EPHA6: variants seen among roughly 807,000 people sequenced by gnomAD.
EPHA6 encodes the protein ephrin type-A receptor 6.
Under a neutral mutation model 112.0 loss-of-function variants are expected in EPHA6, and 50 were observed. The ratio of observed to expected loss-of-function variants is 0.45; its 90% confidence interval spans 0.36 to 0.56. EPHA6 has a LOEUF of 0.56. Among genes scored for constraint, EPHA6 ranks in the 20% least tolerant of loss-of-function variants. EPHA6 has a pLI of 0.00. For synonymous variants in EPHA6, 529 were observed against 490.7 expected (o/e 1.08, Z -1.03); for missense variants, 1,280 against 1,417.4 (o/e 0.90, Z 1.56).
intron 2 of EPHA6, among the ~76,000 whole-genome samples, chr3:96,983,401 A>C (rs1371143622): frequency 6.6e-6 from 1 of 152,164 alleles, no homozygotes; most frequent in Non-Finnish European, 1.5e-5. Context: ...TCTGGCTTGT[A>C]GAGTTTCTGC....
intron 14 of EPHA6, among the ~76,000 whole-genome samples, chr3:97,669,139 G>C (rs1182108887): frequency 6.6e-6 from 1 of 151,788 alleles, no homozygotes; most frequent in Non-Finnish European, 1.5e-5. Flanking sequence ...CTAACTGTAG[G>C]CTCTGAAGTA....
chr3:97,057,773 T>C (rs988278119), intron 3 of EPHA6, among the ~76,000 whole-genome samples: 2 of 152,206 alleles, frequency 1.3e-5, no homozygotes, highest in Non-Finnish European at 2.9e-5. Flanking sequence ...CTCCTTCTAC[T>C]TCTGCATGAA....
chr3:97,337,117 A>G (rs1424370431), intron 5 of EPHA6, among the ~76,000 whole-genome samples: 1 of 152,182 alleles, frequency 6.6e-6, no homozygotes, highest in Non-Finnish European at 1.5e-5. Flanking sequence ...AGAGAGAACC[A>G]TATCATGTAT....
rs1170920402 is a variant in EPHA6, at chr3:97,585,810, GAAAATAA to G, written c.2387-6801_2387-6795del. Among the ~76,000 whole-genome samples the G allele has an allele frequency of 2.9e-3, 444 of 151,912 alleles. 4 individuals carry two copies. Among genetic ancestry groups the G allele is most frequent in the African/African-American group, 0.01 (428 of 41,282 alleles). On this transcript the variant is annotated intron_variant, in intron 11 of 17. Transcript: ENST00000389672. ...ATTAGTTTAGTCAGACTCAGTCCCT[GAAAATAA>G]TATTGTCATATCAAAAATTATTTGA...
chr3:97,127,284 T>A (rs1218220560), intron 3 of EPHA6, among the ~76,000 whole-genome samples: 2 of 152,264 alleles, frequency 1.3e-5, no homozygotes, highest in East Asian at 1.9e-4. Context: ...TATTTCTGTG[T>A]CTTCACTGAT....
At chr3:97,470,883 T>G (rs2091210113) in intron 7 of EPHA6, among the ~76,000 whole-genome samples, 1 of 151,772 alleles carries the variant, frequency 6.6e-6, no homozygotes, top group African/African-American at 2.4e-5. Flanking sequence ...AAGGATCATT[T>G]CCAATCAGTG....
intron 3 of EPHA6, among the ~76,000 whole-genome samples, chr3:97,076,597 C>G (rs1452493460): frequency 2.0e-5 from 3 of 152,154 alleles, no homozygotes; most frequent in Non-Finnish European, 2.9e-5. Context: ...ATGAAGGTAG[C>G]TACACTAACA....
Position 97,610,788 on chromosome 3 carries a change from T to C in EPHA6, c.2513-5T>C, listed in dbSNP as rs1383295194. The C allele has an allele frequency of 1.2e-6, 2 of 1,611,030 alleles. No homozygotes were observed. Among genetic ancestry groups the C allele is most frequent in the Admixed American group, 1.7e-5 (1 of 59,756 alleles). On this transcript the variant is annotated splice_region_variant and splice_polypyrimidine_tract_variant and intron_variant, in intron 12 of 17. Transcript: ENST00000389672. ...ATCCATGTGTATTCTCTTGCTCTTT[T>C]GCAGGCAGACCAGTAATGATTGTGG...
At chr3:96,936,819 C>G (rs2040611828) in intron 2 of EPHA6, among the ~76,000 whole-genome samples, 2 of 152,082 alleles carry the variant, frequency 1.3e-5, no homozygotes, top group African/African-American at 2.4e-5. Context: ...TCCATGTGTT[C>G]TCACTGTTCA....
chr3:97,306,280 A>C (rs903981809), intron 5 of EPHA6, among the ~76,000 whole-genome samples: 1 of 148,192 alleles, frequency 6.7e-6, no homozygotes, highest in Non-Finnish European at 1.5e-5. Flanking sequence ...GTAATCAACT[A>C]TGTCAGGGCC....
chr3:96,838,197 C>T (rs912839515), intron 1 of EPHA6, among the ~76,000 whole-genome samples: 2 of 151,860 alleles, frequency 1.3e-5, no homozygotes, highest in East Asian at 1.9e-4. Context: ...ATGGTTTCCT[C>T]CTCCATCCAT....
chr3:97,373,991 G>A (rs2085210552), intron 5 of EPHA6, among the ~76,000 whole-genome samples: 1 of 152,060 alleles, frequency 6.6e-6, no homozygotes, highest in Non-Finnish European at 1.5e-5. Context: ...CTCACTAGAA[G>A]CAAAACTTTT....
Position 97,754,073 on chromosome 3 carries a change from A to G in EPHA6, c.*5372A>G, listed in dbSNP as rs1436473977. Among the ~76,000 whole-genome samples the G allele has an allele frequency of 2.0e-5, 3 of 150,662 alleles. No individual in the cohort carries two copies. Among genetic ancestry groups the G allele is most frequent in the African/African-American group, 7.3e-5 (3 of 41,300 alleles). Reference sequence around the variant, plus strand: ...AGTTTGTATAAAATGTATAAAAAATAACATTTATATCTTTTTTTTTTTTTT... The same window carrying G: ...AGTTTGTATAAAATGTATAAAAAATGACATTTATATCTTTTTTTTTTTTTT... On this transcript the variant is annotated 3_prime_UTR_variant, in exon 18 of 18. Coordinates refer to ENST00000389672, the MANE Select transcript of EPHA6 (RefSeq NM_001080448.3).
In EPHA6 at chr3:97,663,797, G is replaced by A. The variant is rs955599961; in HGVS notation, c.2784+25715G>A. ...GTGAATAGTGTCACAATAAATATACGTGTGTATGTGTCTTTATAGCAGCAT... is the reference window on the plus strand; with the variant it reads ...GTGAATAGTGTCACAATAAATATACATGTGTATGTGTCTTTATAGCAGCAT... On this transcript the variant is annotated intron_variant, in intron 14 of 17. Transcript: ENST00000389672. Among the ~76,000 whole-genome samples, 20 of 152,172 alleles carry A rather than the reference G, an allele frequency of 1.3e-4. No individual in the cohort carries two copies. The East Asian group carries it at 1.5e-3, about 12-fold the overall frequency.
chr3:97,642,635 T>A (rs1161793423), intron 14 of EPHA6, among the ~76,000 whole-genome samples: 1 of 151,958 alleles, frequency 6.6e-6, no homozygotes, highest in Non-Finnish European at 1.5e-5. Flanking sequence ...GAGAACTACG[T>A]GAAGAATGCA....
intron 13 of EPHA6, among the ~76,000 whole-genome samples, chr3:97,616,343 T>G (rs1236539333): frequency 6.6e-6 from 1 of 152,124 alleles, no homozygotes; most frequent in African/African-American, 2.4e-5. Context: ...GCAAGAACAC[T>G]GAAAACTCAA....
At chr3:96,934,254 G>A (rs1409472638) in intron 2 of EPHA6, among the ~76,000 whole-genome samples, 1 of 151,792 alleles carries the variant, frequency 6.6e-6, no homozygotes, top group Non-Finnish European at 1.5e-5. Flanking sequence ...CTGGGAGGTA[G>A]TAACAATTTC....
At chr3:96,994,351 A>T (rs1252047843) in intron 3 of EPHA6, 2 of 228,540 alleles carry the variant, frequency 8.8e-6, no homozygotes, top group African/African-American at 4.5e-5. Context: ...GATGTTACAG[A>T]TTTAACATTG....
intron 5 of EPHA6, among the ~76,000 whole-genome samples, chr3:97,254,012 T>A (rs1340942945): frequency 6.6e-6 from 1 of 152,140 alleles, no homozygotes; most frequent in African/African-American, 2.4e-5. Context: ...GGTTTCTCAT[T>A]CTATTTTTAT....
Sources: gnomAD v4.1 joint callset for allele counts (sites outside exome capture counted in the v4.1 genomes callset) on GRCh38, gnomAD v4.1.1 for gene constraint, MANE v1.5 for transcripts, NCBI Gene and HGNC (gene_info 2026-07-23, HGNC 2026-07-21) for gene names.